Variants in PLOD1 observed in about 807,000 individuals in gnomAD.
PLOD1 encodes the protein procollagen-lysine,2-oxoglutarate 5-dioxygenase 1.
A neutral mutation model predicts 94.7 loss-of-function variants in PLOD1; 70 were observed. The observed-to-expected ratio is 0.74, with a 90% CI of 0.61 to 0.90. The LOEUF is 0.90. Ranked by LOEUF, PLOD1 falls within the 40% of genes least tolerant of loss-of-function variation. The pLI is 0.00. For missense variants in PLOD1, 905 were observed against 972.7 expected, an observed-to-expected ratio of 0.93 and a Z score of 0.93; for synonymous variants, 417 against 400.2, an observed-to-expected ratio of 1.04 and a Z score of -0.50.
chr1:11,961,204 C>T (rs1466620777), intron 10 of PLOD1, among the ~76,000 whole-genome samples: 4 of 148,322 alleles, frequency 2.7e-5, no homozygotes, highest in East Asian at 4.0e-4. Context: ...GGCAACATAG[C>T]GAGACCCTAT....
Position 11,964,074 on chromosome 1 carries a change from C to A in PLOD1, c.1203-101C>A, listed in dbSNP as rs576040125. The A allele has an allele frequency of 6.4e-5, 77 of 1,200,484 alleles. No individual in the cohort carries two copies. The African/African-American group carries it at 1.1e-3, about 17-fold the overall frequency. 74.4% of individuals were successfully genotyped at this position (1,200,484 alleles called of 1,614,324 possible). On this transcript the variant is annotated intron_variant, in intron 11 of 18. Transcript: ENST00000196061. ...TCAGTGAGGTGCTTGGGGATCCCTG[C>A]GTGCAGGTTGAGGGGCACCTACCTC...
rs1645686564 is a variant in PLOD1, at chr1:11,949,858, T to C, written c.254T>C (p.Leu85Pro). 1.2e-6 allele frequency: 2 copies of C among 1,614,138 alleles called. No individual in the cohort carries two copies. Among genetic ancestry groups the C allele is most frequent in the Non-Finnish European group, 1.7e-6 (2 of 1,179,984 alleles). ...AAGGTCCGGCTGCTGAAGAAAGCTC[T>C]GGAGAAGCACGCAGACAAGGAGGAT... ...GQKVRLLKKA[L>P]EKHADKEDLV... Residue 85 changes from leucine to proline, a missense_variant, in exon 3 of 19, where the codon CTG becomes CCG. Leu to Pro is a moderately conservative substitution (Grantham distance 98). Coordinates refer to ENST00000196061, the MANE Select transcript of PLOD1 (RefSeq NM_000302.4).
chr1:11,965,788 A>G (rs145128114), intron 14 of PLOD1, among the ~76,000 whole-genome samples, 195 bp downstream of exon 14: 326 of 152,202 alleles, frequency 2.1e-3, no homozygotes, highest in African/African-American at 7.4e-3. Context: ...AACACCATCT[A>G]TTGGAGGAGG....
In PLOD1 at chr1:11,943,384, C is replaced by T. The variant is rs150096688; in HGVS notation, c.77-4592C>T. On this transcript the variant is annotated intron_variant, in intron 1 of 18. Coordinates refer to ENST00000196061, the MANE Select transcript of PLOD1 (RefSeq NM_000302.4). ...CAGTCTCTGCTCACTGCAGCCGCCA[C>T]CTCCCGGGTTCAAGCGATTCTCTTG... is the stretch of plus-strand genomic sequence containing the variant. 1.7e-3 allele frequency among the ~76,000 whole-genome samples: 263 copies of T among 152,032 alleles called. 2 individuals carry two copies. The highest frequency in any genetic ancestry group is 5.5e-3 in the African/African-American group (227 of 41,440).
At chr1:11,973,034 TG>T (rs768211188) in intron 18 of PLOD1, 37 bp downstream of exon 18, 1 of 1,612,036 alleles carries the variant, frequency 6.2e-7, no homozygotes, top group Admixed American at 1.7e-5. Context: ...GGGCCGGCAA[TG>T]GGGATGAGGA....
rs1645789793 is a variant in PLOD1, at chr1:11,963,022, C to CA, written c.1098-509dup. The stretch of plus-strand genomic sequence containing the variant: ...TGCCATTGCATTCCAGCCTGGGCAA[C>CA]AGAGTGAGACTCGTTCTCAAAAAAA... On this transcript the variant is annotated intron_variant, in intron 10 of 18. Coordinates refer to ENST00000196061, the MANE Select transcript of PLOD1 (RefSeq NM_000302.4). This position sits in a 1 kb window ranked among gnomAD's most constrained non-coding sequence, Gnocchi z 4.3. Among the ~76,000 whole-genome samples the CA allele has an allele frequency of 6.6e-6, 1 of 151,770 alleles. No homozygotes were observed. Among genetic ancestry groups the CA allele is most frequent in the African/African-American group, 2.4e-5 (1 of 41,306 alleles).
intron 3 of PLOD1, among the ~76,000 whole-genome samples, chr1:11,950,142 T>C (rs1326949513): frequency 6.6e-6 from 1 of 152,022 alleles, no homozygotes; most frequent in Non-Finnish European, 1.5e-5. Flanking sequence ...AAGAATGACA[T>C]GTTGTGGGGA....
intron 1 of PLOD1, among the ~76,000 whole-genome samples, chr1:11,941,236 G>T (rs1645612976): frequency 6.6e-6 from 1 of 152,064 alleles, no homozygotes; most frequent in Non-Finnish European, 1.5e-5. Flanking sequence ...TTGTTTGTTT[G>T]TTTTGTTTTT....
At chr1:11,973,949 T>TG (rs778555039) in intron 18 of PLOD1, among the ~76,000 whole-genome samples, 3 of 152,126 alleles carry the variant, frequency 2.0e-5, no homozygotes, top group Non-Finnish European at 4.4e-5. Flanking sequence ...TGGCATCTAG[T>TG]GGGTAGAAGT....
At chr1:11,973,470 A>G (rs1399323376) in intron 18 of PLOD1, among the ~76,000 whole-genome samples, 1 of 152,178 alleles carries the variant, frequency 6.6e-6, no homozygotes, top group Non-Finnish European at 1.5e-5. Context: ...ACTGCACTCC[A>G]GCCTGGGCAA....
intron 1 of PLOD1, among the ~76,000 whole-genome samples, chr1:11,935,922 C>G (rs1645575202): frequency 6.6e-6 from 1 of 151,416 alleles, no homozygotes; most frequent in Admixed American, 6.6e-5. Flanking sequence ...CGCGCCCGGC[C>G]GGTTCAAGCG....
At position 11,972,685 on chromosome 1, in the gene PLOD1, T is replaced by A; in HGVS notation, c.1903-187T>A. On this transcript the variant is annotated intron_variant, in intron 17 of 18. Transcript: ENST00000196061. The surrounding 1 kb of genome is among the most constrained non-coding windows in gnomAD (Gnocchi z 4.6). ...TCCCTCTCTCCCCTCTGTCCATACATTTTTGTTGAGAACCTTTTCTGTGCC... is the reference window on the plus strand; with the variant it reads ...TCCCTCTCTCCCCTCTGTCCATACAATTTTGTTGAGAACCTTTTCTGTGCC... 2 of 445,484 alleles carry A rather than the reference T, an allele frequency of 4.5e-6. No homozygotes were observed. The highest frequency in any genetic ancestry group is 5.2e-5 in the East Asian group (1 of 19,262). The allele number at this position is 445,484 out of a possible 1,614,324, so 27.6% of individuals were successfully genotyped here.
At chr1:11,956,027 G>T (rs566429880) in intron 6 of PLOD1, among the ~76,000 whole-genome samples, 36 of 151,998 alleles carry the variant, frequency 2.4e-4, no homozygotes, top group Non-Finnish European at 4.3e-4. Context: ...CTCCCAAAGT[G>T]CTGGGATTAC....
Position 11,970,762 on chromosome 1 carries a change from G to A in PLOD1, c.1848G>A (p.Leu616=), listed in dbSNP as rs1645857076. Residue 616 remains leucine (L), a synonymous_variant, in exon 17 of 19, where the codon CTG becomes CTA. Transcript: ENST00000196061. ...IGFEREWHKF[L]LEYIAPMTEK... is the part of the protein sequence containing the mutation. Reference sequence around the variant, plus strand: ...TTGAGCGGGAGTGGCACAAATTCCTGCTGGAGTACATTGCGCCCATGACGG... The same window carrying A: ...TTGAGCGGGAGTGGCACAAATTCCTACTGGAGTACATTGCGCCCATGACGG... 6.2e-7 allele frequency: 1 copy of A among 1,611,620 alleles called. No homozygotes were observed. The highest frequency in any genetic ancestry group is 1.3e-5 in the African/African-American group (1 of 74,104).
At chr1:11,955,659 C>T (rs1645733048) in intron 6 of PLOD1, among the ~76,000 whole-genome samples, 1 of 151,990 alleles carries the variant, frequency 6.6e-6, no homozygotes, top group African/African-American at 2.4e-5. Flanking sequence ...AGTCTTGCTC[C>T]ATCGCCCAGG....
Position 11,967,079 on chromosome 1 carries a change from G to A in PLOD1, c.1743G>A (p.Leu581=), listed in dbSNP as rs1348712746. ...TGGAGCACTTTGGCCAGTGGTCTCTGGGCAACAACAAGGTGGGACCCTGAT... is the reference window on the plus strand; with the variant it reads ...TGGAGCACTTTGGCCAGTGGTCTCTAGGCAACAACAAGGTGGGACCCTGAT... ...EEMEHFGQWS[L]GNNKDNRIQG... is the part of the protein sequence containing the mutation. The change falls in exon 16 of 19, where the codon CTG becomes CTA. Residue 581 remains leucine (L), a synonymous_variant. Coordinates refer to ENST00000196061, the MANE Select transcript of PLOD1 (RefSeq NM_000302.4). 6.2e-7 allele frequency: 1 copy of A among 1,610,216 alleles called. No individual in the cohort carries two copies.
intron 1 of PLOD1, among the ~76,000 whole-genome samples, chr1:11,943,146 T>C (rs79409207): frequency 0.15 from 22,983 of 151,926 alleles, 2,569 homozygotes; most frequent in African/African-American, 0.32. Context: ...CCCACCACCA[T>C]GCCTAGCTAA....
rs781661254 is a variant in PLOD1, at chr1:11,958,686, A to G, written c.975+39A>G. The G allele has an allele frequency of 3.1e-6, 5 of 1,613,086 alleles. No individual in the cohort carries two copies. Among genetic ancestry groups the G allele is most frequent in the Non-Finnish European group, 1.7e-6 (2 of 1,179,650 alleles). ...GCTCTGTGGGGTCGTCATGTGGCTT[A>G]GATCCAGGGCCCAGCTTCACAAGGT... On this transcript the variant is annotated intron_variant, in intron 9 of 18. Transcript: ENST00000196061. This position sits in a 1 kb window ranked among gnomAD's most constrained non-coding sequence, Gnocchi z 4.3.
chr1:11,964,491 G>GA (rs1185553050), intron 12 of PLOD1, among the ~76,000 whole-genome samples, 153 bp from the exon 13 acceptor site: 1 of 152,016 alleles, frequency 6.6e-6, no homozygotes. Flanking sequence ...CAGGGCGGGG[G>GA]AATCAAATCA....
Sources: gnomAD v4.1 joint callset for allele counts (sites outside exome capture counted in the v4.1 genomes callset) on GRCh38, gnomAD v4.1.1 for gene constraint, Gnocchi (gnomAD v3.1) non-coding constraint, MANE v1.5 for transcripts, NCBI Gene and HGNC (gene_info 2026-07-23, HGNC 2026-07-21) for gene names.